Variants in PPP1R42 observed in about 807,000 individuals in gnomAD.
The protein encoded by PPP1R42 is leucine rich repeat containing 67.
In PPP1R42, 34 loss-of-function variants were observed where a neutral mutation model predicts 31.0. The ratio of observed to expected loss-of-function variants is 1.10; its 90% CI spans 0.83 to 1.46. The LOEUF (loss-of-function observed/expected upper bound fraction) is 1.46, where lower values mean the gene tolerates loss of function less well. Among genes scored for constraint, PPP1R42 ranks in the 40% most tolerant of loss-of-function variants. The probability of loss-of-function intolerance (pLI) is 0.00; values close to 1 mark genes in which losing one functional copy is unlikely to be tolerated. For missense variants in PPP1R42, 268 were observed against 303.0 expected (o/e 0.88, Z 0.86); for synonymous variants, 103 against 109.8 (o/e 0.94, Z 0.39).
At chr8:66,988,762 A>G (rs1184874551) in intron 5 of PPP1R42, among the ~76,000 whole-genome samples, 1 of 152,032 alleles carries the variant, frequency 6.6e-6, no homozygotes, top group Admixed American at 6.6e-5. Context: ...TCTCTGTCAT[A>G]CTCCCTTAAA....
intron 7 of PPP1R42, among the ~76,000 whole-genome samples, chr8:66,964,863 CCATCA>C (rs2130905922): frequency 6.6e-6 from 1 of 152,226 alleles, no homozygotes; most frequent in Non-Finnish European, 1.5e-5. Flanking sequence ...TGTCTTATAA[CCATCA>C]ATGCAATAAA....
At chr8:66,998,297 A>C (rs558235298) in intron 5 of PPP1R42, among the ~76,000 whole-genome samples, 1 of 152,296 alleles carries the variant, frequency 6.6e-6, no homozygotes, top group Admixed American at 6.5e-5. Context: ...TAAGTATTTT[A>C]TATATCTGAT....
intron 7 of PPP1R42, among the ~76,000 whole-genome samples, chr8:66,981,728 A>G (rs1326876991): frequency 6.6e-6 from 1 of 152,160 alleles, no homozygotes; most frequent in African/African-American, 2.4e-5. Flanking sequence ...AGGTTTCACA[A>G]TTTACATAGC....
At chr8:67,010,545 G>A in intron 5 of PPP1R42, 170 bp downstream of exon 5, 5 of 567,950 alleles carry the variant, frequency 8.8e-6, no homozygotes, top group Non-Finnish European at 1.5e-5. Flanking sequence ...CTAAATAAGA[G>A]GACAGAATTA....
chr8:66,984,803 T>C, intron 6 of PPP1R42: 2 of 1,607,824 alleles, frequency 1.2e-6, no homozygotes, highest in Non-Finnish European at 1.7e-6. Flanking sequence ...ATTCTCACTT[T>C]GGGTTCTGGA....
At position 66,984,451 on chromosome 8, in the gene PPP1R42, C is replaced by T. The variant is rs1814941642; in HGVS notation, c.671-2271G>A. On this transcript the variant is annotated intron_variant, in intron 6 of 7. Coordinates refer to ENST00000685739, the MANE Select transcript of PPP1R42 (RefSeq NM_001364910.1). ...CCCTTCCACTACTACCACGTTGACA[C>T]CCTTGTGCAGTAACACCACTCCTAT... The T allele has an allele frequency of 2.3e-6, 3 of 1,284,556 alleles. 1 individual carries two copies. The highest frequency in any genetic ancestry group is 2.9e-5 in the African/African-American group (2 of 68,554). 79.6% of individuals were successfully genotyped at this position (1,284,556 alleles called of 1,614,324 possible). A position where few individuals can be genotyped will look rare whatever the true frequency, so the allele number is the denominator to read the frequency against.
intron 1 of PPP1R42, among the ~76,000 whole-genome samples, chr8:67,018,137 C>T (rs566636616): frequency 4.7e-5 from 7 of 147,830 alleles, no homozygotes; most frequent in Non-Finnish European, 1.0e-4. Flanking sequence ...TTTTTTGAGA[C>T]GGAGTTTCGC....
intron 1 of PPP1R42, among the ~76,000 whole-genome samples, chr8:67,020,322 C>G (rs1816175099): frequency 6.6e-6 from 1 of 152,116 alleles, no homozygotes; most frequent in Non-Finnish European, 1.5e-5. Context: ...GCCTCAGCCT[C>G]CCGAGTAGCT....
intron 2 of PPP1R42, among the ~76,000 whole-genome samples, chr8:67,014,874 C>A (rs1243632573): frequency 2.0e-5 from 3 of 152,128 alleles, no homozygotes; most frequent in Admixed American, 2.0e-4. Flanking sequence ...AGCAATTAGG[C>A]TCCTCTGGAA....
intron 4 of PPP1R42, among the ~76,000 whole-genome samples, chr8:67,011,289 G>A (rs1011565472): frequency 1.3e-5 from 2 of 152,196 alleles, no homozygotes; most frequent in Admixed American, 1.3e-4. Flanking sequence ...CACTTTAGGA[G>A]GTGAAGCGGG....
intron 6 of PPP1R42, chr8:66,988,026 CTT>C: frequency 1.9e-6 from 1 of 522,768 alleles, no homozygotes; most frequent in Non-Finnish European, 2.5e-6. Flanking sequence ...GCAATGAAAA[CTT>C]TGATCAATTT....
At chr8:67,021,831 C>G (rs1175987276) in intron 1 of PPP1R42, among the ~76,000 whole-genome samples, 1 of 151,970 alleles carries the variant, frequency 6.6e-6, no homozygotes, top group African/African-American at 2.4e-5. Flanking sequence ...CTGTCTTTAG[C>G]TTTCTTTTCT....
intron 5 of PPP1R42, among the ~76,000 whole-genome samples, chr8:67,008,696 A>T (rs951203299): frequency 9.6e-5 from 14 of 145,878 alleles, no homozygotes; most frequent in Non-Finnish European, 1.6e-4. Flanking sequence ...TGACAGAGTG[A>T]GACTCTGTCT....
chr8:66,983,502 A>G (rs1814910763), intron 6 of PPP1R42, among the ~76,000 whole-genome samples: 1 of 152,050 alleles, frequency 6.6e-6, no homozygotes, highest in African/African-American at 2.4e-5. Flanking sequence ...TCTGCTTGAT[A>G]GATTTTTTCT....
At chr8:67,028,338 C>CG (rs1816465793) in intron 1 of PPP1R42, among the ~76,000 whole-genome samples, 153 bp downstream of exon 1, 1 of 152,202 alleles carries the variant, frequency 6.6e-6, no homozygotes, top group Admixed American at 6.5e-5. Context: ...GACTTCCAGA[C>CG]TATTTTTTCT....
chr8:67,011,147 A>T (rs1815832856), intron 4 of PPP1R42, among the ~76,000 whole-genome samples: 1 of 152,252 alleles, frequency 6.6e-6, no homozygotes, highest in African/African-American at 2.4e-5. Flanking sequence ...AGAAAAAAAG[A>T]TGCCCCAATA....
intron 5 of PPP1R42, among the ~76,000 whole-genome samples, chr8:67,006,248 C>A (rs572971405): frequency 3.9e-5 from 6 of 152,334 alleles, no homozygotes; most frequent in African/African-American, 1.4e-4. Context: ...CGAGGCCTTT[C>A]GTAATAACCT....
At chr8:67,027,275 C>T (rs527401900) in intron 1 of PPP1R42, among the ~76,000 whole-genome samples, 1 of 152,262 alleles carries the variant, frequency 6.6e-6, no homozygotes, top group Non-Finnish European at 1.5e-5. Flanking sequence ...ATTCTTAATA[C>T]TTTCACTTTA....
chr8:66,984,961 G>A (rs1814959654), intron 6 of PPP1R42: 4 of 1,553,914 alleles, frequency 2.6e-6, no homozygotes, highest in Non-Finnish European at 3.6e-6. Context: ...ATTGAGCTGG[G>A]CTGGATGTTC....
Sources: allele counts gnomAD v4.1 joint callset (sites outside exome capture counted in the v4.1 genomes callset), GRCh38; gene constraint gnomAD v4.1.1; transcripts MANE v1.5; gene names NCBI Gene and HGNC (gene_info 2026-07-23, HGNC 2026-07-21).